USP40: variants seen among roughly 807,000 people sequenced by gnomAD.
The protein encoded by USP40 is ubiquitin carboxyl-terminal hydrolase 40.
USP40 carries 143 observed loss-of-function variants against 166.2 expected under a neutral mutation model. The observed-to-expected ratio is 0.86, with a 90% CI of 0.75 to 0.99. The LOEUF is 0.99. USP40 is among the 50% of genes least tolerant of loss of function. The pLI is 0.00. For synonymous variants in USP40, 498 were observed against 524.0 expected, an observed-to-expected ratio of 0.95 and a Z score of 0.68; for missense variants, 1,444 against 1,479.7, an observed-to-expected ratio of 0.98 and a Z score of 0.40.
At chr2:233,506,490 G>C (rs2066423773) in intron 21 of USP40, among the ~76,000 whole-genome samples, 1 of 152,078 alleles carries the variant, frequency 6.6e-6, no homozygotes, top group African/African-American at 2.4e-5. Flanking sequence ...GGCAACAAAA[G>C]AACATAGACA....
chr2:233,484,299 C>A (rs764576905), intron 30 of USP40, among the ~76,000 whole-genome samples: 1 of 152,148 alleles, frequency 6.6e-6, no homozygotes, highest in Non-Finnish European at 1.5e-5. Flanking sequence ...AGAACTGATA[C>A]CTTTACTATT....
chr2:233,526,632 A>AT (rs2068054249), intron 13 of USP40, among the ~76,000 whole-genome samples: 1 of 152,280 alleles, frequency 6.6e-6, no homozygotes, highest in African/African-American at 2.4e-5. Context: ...AAAAGCTAAC[A>AT]TTTTCTATCT....
At chr2:233,524,973 C>T (rs147830805) in intron 14 of USP40, among the ~76,000 whole-genome samples, 1 of 152,310 alleles carries the variant, frequency 6.6e-6, no homozygotes, top group African/African-American at 2.4e-5. Flanking sequence ...AGATAATTAA[C>T]ATAAAACACC....
intron 25 of USP40, among the ~76,000 whole-genome samples, chr2:233,492,167 T>C (rs1352252862): frequency 1.3e-5 from 2 of 152,246 alleles, no homozygotes; most frequent in Non-Finnish European, 2.9e-5. Context: ...TCTGTTTAGA[T>C]ACACAAACAC....
At chr2:233,561,163 T>C in intron 3 of USP40, 25 of 1,576,708 alleles carry the variant, frequency 1.6e-5, no homozygotes, top group Non-Finnish European at 1.9e-5. Context: ...GTAATACCTT[T>C]GCATCGGGTT....
In USP40 at chr2:233,529,813, TC is replaced by T. The variant is rs199782012; in HGVS notation, c.1472-302del. Among the ~76,000 whole-genome samples the T allele has an allele frequency of 4.8e-4, 65 of 134,504 alleles. 8 individuals carry two copies. Among genetic ancestry groups the T allele is most frequent in the Non-Finnish European group, 5.9e-4 (37 of 63,154 alleles). The allele number at this position is 134,504 out of a possible 152,430, so 88.2% of individuals were successfully genotyped here. A position where few individuals can be genotyped will look rare whatever the true frequency, so the allele number is the denominator to read the frequency against. On this transcript the variant is annotated intron_variant, in intron 11 of 31. Transcript: ENST00000678225. ...CATCTTTTTTTTTTCTTTTTCTTTT[TC>T]TTTTTTTTTTTGAGACGGAGTCTCA...
chr2:233,502,027 T>C (rs2125115618), intron 21 of USP40, among the ~76,000 whole-genome samples: 1 of 152,244 alleles, frequency 6.6e-6, no homozygotes, highest in East Asian at 1.9e-4. Flanking sequence ...ATCAGGTACA[T>C]CGAATGTTGG....
At chr2:233,514,244 A>G (rs2067025536) in intron 18 of USP40, among the ~76,000 whole-genome samples, 1 of 152,208 alleles carries the variant, frequency 6.6e-6, no homozygotes, top group Admixed American at 6.5e-5. Context: ...AAACACAAAT[A>G]AAAGGGCAGC....
chr2:233,550,286 T>C (rs2070431123), intron 7 of USP40, among the ~76,000 whole-genome samples: 3 of 152,144 alleles, frequency 2.0e-5, no homozygotes, highest in Middle Eastern at 3.2e-3. Context: ...AAAAGTAAAA[T>C]GAATGTGGAC....
intron 30 of USP40, among the ~76,000 whole-genome samples, chr2:233,482,908 C>T (rs1247989801): frequency 6.6e-6 from 1 of 152,256 alleles, no homozygotes; most frequent in Non-Finnish European, 1.5e-5. Flanking sequence ...CTGCAATTGG[C>T]AAGCTGATTC....
intron 12 of USP40, among the ~76,000 whole-genome samples, chr2:233,527,940 A>G (rs1407981288): frequency 2.0e-5 from 3 of 151,766 alleles, no homozygotes; most frequent in Admixed American, 6.6e-5. Context: ...CATGTCATCT[A>G]TCATCCTTAT....
intron 1 of USP40, 49 bp from the exon 2 acceptor site, chr2:233,565,622 C>G: frequency 4.2e-6 from 6 of 1,442,166 alleles, no homozygotes; most frequent in Non-Finnish European, 5.6e-6. Flanking sequence ...ATAAATTTTC[C>G]CCAAATCCCC....
At chr2:233,510,392 C>CTTTTTTTTTTTTTTTTTTTTTT (rs1158427662) in intron 20 of USP40, among the ~76,000 whole-genome samples, 1 of 68,690 alleles carries the variant, frequency 1.5e-5, no homozygotes, top group Non-Finnish European at 2.6e-5. Flanking sequence ...CTTTTTCTTT[C>CTTTTTTTTTTTTTTTTTTTTTT]TTTTTTTTTT....
At chr2:233,521,716 T>C (rs2067671059) in intron 16 of USP40, among the ~76,000 whole-genome samples, 1 of 152,222 alleles carries the variant, frequency 6.6e-6, no homozygotes, top group Non-Finnish European at 1.5e-5. Flanking sequence ...TCTTTGGGAA[T>C]GTACATTAGA....
rs752659438 is a variant in USP40 at position 233,485,889 on chromosome 2, G to C, written c.3286C>G (p.Gln1096Glu). The C allele has an allele frequency of 9.8e-5, 157 of 1,604,584 alleles. No homozygotes were observed. Among genetic ancestry groups the C allele is most frequent in the Non-Finnish European group, 1.3e-4 (151 of 1,176,010 alleles). ...CTCAGGGAGCCGGCAGTCCCACCCT[G>C]GGCCGCGTTCCACACCAGGTCCAGG... ...PALDLVWNAA[Q>E]GGTAGSLRQR... Residue 1096 changes from glutamine to glutamate, a missense_variant, in exon 29 of 32, where the codon CAG becomes GAG. By Grantham distance (29) the Gln-to-Glu change is conservative (BLOSUM62 2). Coordinates refer to ENST00000678225, the MANE Select transcript of USP40 (RefSeq NM_001365479.2).
At chr2:233,540,536 A>G in intron 10 of USP40, 126 bp downstream of exon 10, 1 of 589,582 alleles carries the variant, frequency 1.7e-6, no homozygotes, top group South Asian at 2.5e-5. Context: ...GATTCTAGCC[A>G]TTATACAAAT....
At chr2:233,558,415 AT>A (rs1422735115) in intron 4 of USP40, among the ~76,000 whole-genome samples, 1 of 152,194 alleles carries the variant, frequency 6.6e-6, no homozygotes, top group Non-Finnish European at 1.5e-5. Context: ...ATCTAATAGA[AT>A]CTCATTTGGC....
chr2:233,514,062 G>C (rs2067010074), intron 18 of USP40, among the ~76,000 whole-genome samples: 1 of 152,156 alleles, frequency 6.6e-6, no homozygotes, highest in Admixed American at 6.5e-5. Context: ...AACTTAAAAA[G>C]TGCTTTTAAA....
chr2:233,488,367 T>C (rs1198860725), intron 27 of USP40, 63 bp from the exon 28 acceptor site: 1 of 1,454,926 alleles, frequency 6.9e-7, no homozygotes. Context: ...TGAATTTTTT[T>C]TCCCCCAATT....
Sources: allele counts gnomAD v4.1 joint callset (sites outside exome capture counted in the v4.1 genomes callset), GRCh38; gene constraint gnomAD v4.1.1; transcripts MANE v1.5; gene names NCBI Gene and HGNC (gene_info 2026-07-23, HGNC 2026-07-21).